PRKCH: variants seen among roughly 807,000 people sequenced by gnomAD.
PRKCH encodes the protein protein kinase C eta, also known as protein kinase C eta type.
In PRKCH, 28 loss-of-function variants were observed where a neutral mutation model predicts 82.5. The observed-to-expected ratio is 0.34, with a 90% CI of 0.25 to 0.47. The LOEUF is 0.47. PRKCH is among the 20% of genes least tolerant of loss of function. PRKCH has a pLI of 1.00. For synonymous variants in PRKCH, 322 were observed against 327.4 expected (o/e 0.98, Z 0.18); for missense variants, 705 against 881.8 (o/e 0.80, Z 2.54).
Position 61,254,116 on chromosome 14 carries a change from T to C in PRKCH, c.-19+66448T>C, listed in dbSNP as rs576229580. 7.2e-5 allele frequency among the ~76,000 whole-genome samples: 11 copies of C among 151,954 alleles called. No homozygotes were observed. The East Asian group carries it at 1.4e-3, about 19-fold the overall frequency. On this transcript the variant is annotated intron_variant, in intron 1 of 3. Transcript: ENST00000555185. The stretch of plus-strand genomic sequence containing the variant: ...GGAGTATAAAAAGCTGAAAAAGTTA[T>C]GTTTCTATTCTCAGAGAGCTTTCAG...
chr14:61,200,144 G>T (rs1403670059), intron 1 of PRKCH, among the ~76,000 whole-genome samples: 1 of 152,162 alleles, frequency 6.6e-6, no homozygotes, highest in East Asian at 1.9e-4. Flanking sequence ...CAAGTGGAGG[G>T]TGTTTTTTTC....
intron 1 of PRKCH, among the ~76,000 whole-genome samples, chr14:61,249,281 T>G (rs2044917962): frequency 6.6e-6 from 1 of 152,202 alleles, no homozygotes; most frequent in South Asian, 2.1e-4. Context: ...GTATAGTTGC[T>G]TCTCCTCTAA....
chr14:61,215,829 A>G (rs1254992142), intron 1 of PRKCH, among the ~76,000 whole-genome samples: 1 of 152,160 alleles, frequency 6.6e-6, no homozygotes, highest in African/African-American at 2.4e-5. Context: ...AGCTTTCTAA[A>G]TATCTGCCAA....
At chr14:61,252,272 T>C (rs913028916) in intron 1 of PRKCH, among the ~76,000 whole-genome samples, 3 of 152,330 alleles carry the variant, frequency 2.0e-5, no homozygotes, top group East Asian at 1.9e-4. Context: ...TGATTCCTCG[T>C]TGGTCTGTCC....
Position 61,443,192 on chromosome 14 carries a change from A to G in PRKCH, c.509A>G (p.Asn170Ser), listed in dbSNP as rs766898815. 7.4e-6 allele frequency: 12 copies of G among 1,614,106 alleles called. No homozygotes were observed. The East Asian group carries it at 8.9e-5, about 12-fold the overall frequency. ...RAMRRRVHQI[N>S]GHKFMATYLR... ...ATGCGAAGGCGAGTCCACCAGATCA[A>G]TGGACACAAGTTCATGGCCACGTAT... Residue 170 changes from asparagine to serine, a missense_variant, in exon 3 of 14, where the codon AAT becomes AGT. Transcript: ENST00000332981.
chr14:61,306,428 T>C (rs2045486151), intron 1 of PRKCH: 1 of 152,254 alleles, frequency 6.6e-6, no homozygotes, highest in Admixed American at 6.5e-5. Context: ...TCTAGATTTC[T>C]TCAGCTCAGC....
intron 1 of PRKCH, chr14:61,279,959 A>T (rs2045241060): frequency 1.3e-6 from 1 of 774,152 alleles, no homozygotes; most frequent in African/African-American, 1.8e-5. Flanking sequence ...TAATTCCCTT[A>T]TCTGGTCCCC....
intron 1 of PRKCH, among the ~76,000 whole-genome samples, chr14:61,387,782 C>T (rs946900322): frequency 1.3e-5 from 2 of 152,194 alleles, no homozygotes; most frequent in African/African-American, 4.8e-5. Context: ...ACAAAAGTTG[C>T]ATGAAACAGT....
chr14:61,269,506 C>A (rs886171325), intron 1 of PRKCH, among the ~76,000 whole-genome samples: 4 of 152,152 alleles, frequency 2.6e-5, no homozygotes, highest in African/African-American at 9.7e-5. Context: ...CTGATCCTCT[C>A]CCTCCTCCCA....
chr14:61,324,354 T>A (rs1279613179), intron 1 of PRKCH, among the ~76,000 whole-genome samples: 1 of 152,230 alleles, frequency 6.6e-6, no homozygotes, highest in African/African-American at 2.4e-5. Context: ...TGGTGGTGTT[T>A]TGGAAAACGT....
intron 1 of PRKCH, among the ~76,000 whole-genome samples, chr14:61,368,428 T>G (rs2046326082): frequency 6.6e-6 from 1 of 152,086 alleles, no homozygotes; most frequent in South Asian, 2.1e-4. Context: ...CTCTGGCTGC[T>G]TCATGCCGGG....
intron 9 of PRKCH, among the ~76,000 whole-genome samples, chr14:61,467,518 G>T (rs777116169): frequency 6.6e-6 from 1 of 152,244 alleles, no homozygotes; most frequent in African/African-American, 2.4e-5. Flanking sequence ...CCCTACAGTG[G>T]CATTACTGCT....
chr14:61,531,112 C>T (rs1212624189), intron 12 of PRKCH, among the ~76,000 whole-genome samples: 2 of 152,194 alleles, frequency 1.3e-5, no homozygotes, highest in Non-Finnish European at 2.9e-5. Context: ...CCGGGTGCCA[C>T]GCCCAGGCTG....
At chr14:61,530,664 C>A in intron 12 of PRKCH, 69 bp downstream of exon 12, 1 of 1,421,310 alleles carries the variant, frequency 7.0e-7, no homozygotes, top group Non-Finnish European at 9.6e-7. Flanking sequence ...CTGCTTGAGT[C>A]TTTTCAGTAC....
intron 1 of PRKCH, among the ~76,000 whole-genome samples, chr14:61,242,059 A>G (rs2044844075): frequency 6.6e-6 from 1 of 152,266 alleles, no homozygotes; most frequent in South Asian, 2.1e-4. Flanking sequence ...ATTAGGGGAA[A>G]GAATAACAAC....
chr14:61,244,525 A>C (rs1250514953), intron 1 of PRKCH, among the ~76,000 whole-genome samples: 1 of 152,216 alleles, frequency 6.6e-6, no homozygotes, highest in Non-Finnish European at 1.5e-5. Flanking sequence ...GCTGCTAAAT[A>C]ACAGATGAGA....
intron 2 of PRKCH, among the ~76,000 whole-genome samples, chr14:61,422,406 A>G (rs1300207139): frequency 6.6e-6 from 1 of 152,212 alleles, no homozygotes; most frequent in Non-Finnish European, 1.5e-5. Context: ...ATGCTTTTTA[A>G]GTAGGAGCAT....
intron 1 of PRKCH, among the ~76,000 whole-genome samples, chr14:61,239,532 C>T (rs982839017): frequency 2.6e-5 from 4 of 152,186 alleles, no homozygotes; most frequent in South Asian, 2.1e-4. Flanking sequence ...ACGTGTCTTC[C>T]GGCCAGCTCT....
intron 10 of PRKCH, 80 bp from the exon 11 acceptor site, chr14:61,528,995 T>TGTGTGTGTGC: frequency 7.4e-7 from 1 of 1,359,938 alleles, no homozygotes; most frequent in Non-Finnish European, 1.0e-6. Flanking sequence ...TGTGTGTGTG[T>TGTGTGTGTGC]GTGTGTGTGT....
Sources: allele counts gnomAD v4.1 joint callset (sites outside exome capture counted in the v4.1 genomes callset), GRCh38; gene constraint gnomAD v4.1.1; transcripts MANE v1.5; gene names NCBI Gene and HGNC (gene_info 2026-07-23, HGNC 2026-07-21).